The following SPIB variants were observed in gnomAD, a reference collection of about 807,000 sequenced individuals.
SPIB encodes Spi-B transcription factor.
In SPIB, 7 loss-of-function variants were observed where a neutral mutation model predicts 31.9. The observed-to-expected ratio is 0.22, with a 90% CI of 0.12 to 0.41. SPIB has a LOEUF of 0.41. SPIB is among the 10% of genes least tolerant of loss of function. The pLI, the probability that SPIB is intolerant of heterozygous loss-of-function variation, is 1.00. For synonymous variants in SPIB, 176 were observed against 158.9 expected, an observed-to-expected ratio of 1.11 and a Z score of -0.81; for missense variants, 327 against 360.2, an observed-to-expected ratio of 0.91 and a Z score of 0.75.
Position 50,420,400 on chromosome 19 carries a change from GT to G in SPIB, c.51+435del, listed in dbSNP as rs138447063. 3.7e-3 allele frequency among the ~76,000 whole-genome samples: 558 copies of G among 151,838 alleles called. 4 individuals are homozygous for G. Among genetic ancestry groups the G allele is most frequent in the African/African-American group, 0.013 (529 of 41,406 alleles). ...CCCTCCACATTCACACCCCAGCCAT[GT>G]TTTTTTTGTTTGTTTTTGTTTGTTT... On this transcript the variant is annotated intron_variant, in intron 2 of 5. Coordinates refer to ENST00000595883, the MANE Select transcript of SPIB (RefSeq NM_003121.5).
intron 2 of SPIB, 66 bp from the exon 3 acceptor site, chr19:50,422,400 AAGGGTCC>A (rs1229967251): frequency 2.1e-6 from 3 of 1,401,070 alleles, no homozygotes; most frequent in Non-Finnish European, 3.0e-6. Context: ...GAGTCTCCCC[AAGGGTCC>A]AGGGTGGGGG....
intron 5 of SPIB, among the ~76,000 whole-genome samples, 174 bp from the exon 6 acceptor site, chr19:50,427,864 C>CA (rs937007312): frequency 9.6e-6 from 1 of 104,308 alleles, no homozygotes; most frequent in African/African-American, 3.0e-5. Context: ...GCTTGCCCCC[C>CA]CCCCCCCCCG....
chr19:50,424,415 G>A (rs902334963), intron 5 of SPIB, among the ~76,000 whole-genome samples: 3 of 152,224 alleles, frequency 2.0e-5, no homozygotes, highest in Non-Finnish European at 2.9e-5. Flanking sequence ...GGGAGGCTGA[G>A]GCGGTCAGAT....
intron 2 of SPIB, among the ~76,000 whole-genome samples, chr19:50,420,311 C>T (rs888857029): frequency 2.0e-5 from 3 of 152,164 alleles, no homozygotes; most frequent in African/African-American, 7.2e-5. Flanking sequence ...CACCCTTGAA[C>T]CCACAATCCA....
chr19:50,428,115 T>G lies in SPIB; in HGVS notation c.568T>G (p.Trp190Gly). Residue 190 changes from tryptophan to glycine, a missense_variant, in exon 6 of 6, where the codon TGG becomes GGG. Physicochemically the swap from Trp to Gly is radical, Grantham distance 184. Around this residue, in one of 4 missense-constraint regions of SPIB, gnomAD observed 54 missense variants for 69.5 expected, o/e 0.78. Transcript: ENST00000595883. This position sits in a 1 kb window ranked among gnomAD's most constrained non-coding sequence, Gnocchi z 6.5. ...CGGGGACATGCGTGAGTGCGTGTGG[T>G]GGGTGGAGCCAGGCGCCGGCGTCTT... The part of the protein sequence containing the change: ...TRGDMRECVW[W>G]VEPGAGVFQF... The G allele has an allele frequency of 6.3e-7, 1 of 1,584,674 alleles. No individual in the cohort carries two copies. Among genetic ancestry groups the G allele is most frequent in the Non-Finnish European group, 8.6e-7 (1 of 1,165,020 alleles).
In SPIB at chr19:50,428,403, A is replaced by G. The variant is rs1008831432; in HGVS notation, c.*67A>G. ...CACGTCCCAGCCAGGATCCCCCTGG[A>G]AGAAAAAGGGCGTCCCCACACTCTA... On this transcript the variant is annotated 3_prime_UTR_variant, in exon 6 of 6. Coordinates refer to ENST00000595883, the MANE Select transcript of SPIB (RefSeq NM_003121.5). This position sits in a 1 kb window ranked among gnomAD's most constrained non-coding sequence, Gnocchi z 6.5. The G allele has an allele frequency of 1.5e-5, 22 of 1,453,472 alleles. No individual in the cohort carries two copies. The highest frequency in any genetic ancestry group is 1.8e-5 in the Non-Finnish European group (20 of 1,097,886). 90.0% of individuals were successfully genotyped at this position (1,453,472 alleles called of 1,614,324 possible).
intron 2 of SPIB, 91 bp from the exon 3 acceptor site, chr19:50,422,382 C>G: frequency 1.9e-6 from 2 of 1,055,844 alleles, no homozygotes; most frequent in South Asian, 2.8e-5. Context: ...TCTCCCATGT[C>G]TGTGTTGGAG....
chr19:50,419,087 T>G, intron 1 of SPIB, 102 bp downstream of exon 1: 57 of 1,378,084 alleles, frequency 4.1e-5, no homozygotes, highest in Non-Finnish European at 4.9e-5. Flanking sequence ...TCACGGCCGG[T>G]GGGTGGGAGT....
chr19:50,419,986 C>A lies in SPIB; in HGVS notation c.51+13C>A, dbSNP rs773679489. 2 of 1,466,906 alleles carry A rather than the reference C, an allele frequency of 1.4e-6. No individual in the cohort carries two copies. The highest frequency in any genetic ancestry group is 1.5e-5 in the South Asian group (1 of 68,498). The allele number at this position is 1,466,906 out of a possible 1,614,324, so 90.9% of individuals were successfully genotyped here. A position where few individuals can be genotyped will look rare whatever the true frequency, so the allele number is the denominator to read the frequency against. ...CTTCAGCTGTCTGGTGAGTTGGGGC[C>A]CCTGGGGGCCAGGGAGGGGTGGCCC... is the stretch of plus-strand genomic sequence containing the variant. On this transcript the variant is annotated intron_variant, in intron 2 of 5. Coordinates refer to ENST00000595883, the MANE Select transcript of SPIB (RefSeq NM_003121.5).
chr19:50,423,643 T>C lies in SPIB; in HGVS notation c.378T>C (p.Pro126=). 1 of 1,614,030 alleles carries C rather than the reference T, an allele frequency of 6.2e-7. No individual in the cohort carries two copies. The highest frequency in any genetic ancestry group is 8.5e-7 in the Non-Finnish European group (1 of 1,179,990). Residue 126 remains proline (P), a synonymous_variant, in exon 5 of 6, where the codon CCT becomes CCC. Coordinates refer to ENST00000595883, the MANE Select transcript of SPIB (RefSeq NM_003121.5). ...VPPAYAPYPS[P]VLSEEEDLPL... ...CGGCATATGCCCCGTACCCCAGCCC[T>C]GTGCTATCAGAGGAGGAAGACTTAC...
At chr19:50,425,038 G>A (rs1036860886) in intron 5 of SPIB, among the ~76,000 whole-genome samples, 1 of 151,680 alleles carries the variant, frequency 6.6e-6, no homozygotes, top group African/African-American at 2.4e-5. Context: ...ACAGAGTCTC[G>A]CTCTGTTACC....
rs1393096183 is a variant in SPIB, at chr19:50,423,070, C to G, written c.339+33C>G. 6.4e-6 allele frequency: 7 copies of G among 1,097,840 alleles called. 1 individual carries two copies. In the South Asian group the frequency reaches 9.7e-5, roughly 15 times the overall value. 68.0% of individuals were successfully genotyped at this position (1,097,840 alleles called of 1,614,324 possible). A position where few individuals can be genotyped will look rare whatever the true frequency, so the allele number is the denominator to read the frequency against. On this transcript the variant is annotated intron_variant, in intron 4 of 5. Coordinates refer to ENST00000595883, the MANE Select transcript of SPIB (RefSeq NM_003121.5). ...GTAAGGGGACAGTTAAAATCAAGCC[C>G]AAACCAGGTGTGGTGGTGCACGCCT...
intron 4 of SPIB, 91 bp downstream of exon 4, chr19:50,423,128 A>T: frequency 1.8e-6 from 1 of 562,444 alleles, no homozygotes; most frequent in Non-Finnish European, 3.0e-6. Flanking sequence ...CTGAGGTGGG[A>T]GGAGGATTGC....
Position 50,428,478 on chromosome 19 carries a change from C to A in SPIB, c.*142C>A. 1.0e-6 allele frequency: 1 copy of A among 978,938 alleles called. No homozygotes were observed. Among genetic ancestry groups the A allele is most frequent in the Non-Finnish European group, 1.5e-6 (1 of 688,148 alleles). 60.6% of individuals were successfully genotyped at this position (978,938 alleles called of 1,614,324 possible). On this transcript the variant is annotated 3_prime_UTR_variant, in exon 6 of 6. Transcript: ENST00000595883. The surrounding 1 kb of genome is among the most constrained non-coding windows in gnomAD (Gnocchi z 6.5). Reference sequence around the variant, plus strand: ...CCTTTTGGGGTAAGGGGAGTGCTGCCCTGCCATAATCCCCAAGCCCAGCCC... The same window carrying A: ...CCTTTTGGGGTAAGGGGAGTGCTGCACTGCCATAATCCCCAAGCCCAGCCC...
At position 50,428,018 on chromosome 19, in the gene SPIB, T is replaced by A. The variant is rs1297445509; in HGVS notation, c.491-20T>A. On this transcript the variant is annotated intron_variant, in intron 5 of 5. Coordinates refer to ENST00000595883, the MANE Select transcript of SPIB (RefSeq NM_003121.5). This position sits in a 1 kb window ranked among gnomAD's most constrained non-coding sequence, Gnocchi z 6.5. ...CCTTAGGGACCCCTCACCTAACGCG[T>A]GCCCCCGACCCCACCGCAGGGACTC... The A allele has an allele frequency of 6.1e-6, 9 of 1,482,714 alleles. No individual in the cohort carries two copies. The highest frequency in any genetic ancestry group is 7.2e-6 in the Non-Finnish European group (8 of 1,109,862). The allele number at this position is 1,482,714 out of a possible 1,614,324, so 91.8% of individuals were successfully genotyped here.
At chr19:50,426,726 C>A (rs1436210470) in intron 5 of SPIB, among the ~76,000 whole-genome samples, 1 of 152,040 alleles carries the variant, frequency 6.6e-6, no homozygotes, top group Non-Finnish European at 1.5e-5. Flanking sequence ...AACTCCTGAC[C>A]TCAAGTGATC....
Position 50,428,104 on chromosome 19 carries a change from A to G in SPIB, c.557A>G (p.Glu186Gly), listed in dbSNP as rs551310078. The G allele has an allele frequency of 5.7e-6, 9 of 1,583,664 alleles. No homozygotes were observed. Among genetic ancestry groups the G allele is most frequent in the Non-Finnish European group, 7.7e-6 (9 of 1,164,294 alleles). Residue 186 changes from glutamate (E) to glycine (G), a missense_variant, in exon 6 of 6, where the codon GAG becomes GGG. Physicochemically the swap from Glu to Gly is moderately conservative, Grantham distance 98. Around this residue, in one of 4 missense-constraint regions of SPIB, gnomAD observed 54 missense variants for 69.5 expected, o/e 0.78. Coordinates refer to ENST00000595883, the MANE Select transcript of SPIB (RefSeq NM_003121.5). This position sits in a 1 kb window ranked among gnomAD's most constrained non-coding sequence, Gnocchi z 6.5. ...CTACTGACGCGCGGGGACATGCGTG[A>G]GTGCGTGTGGTGGGTGGAGCCAGGC... is the stretch of plus-strand genomic sequence containing the variant. ...LGLLTRGDMR[E>G]CVWWVEPGAG...
At chr19:50,426,786 C>T (rs906183502) in intron 5 of SPIB, among the ~76,000 whole-genome samples, 7 of 151,974 alleles carry the variant, frequency 4.6e-5, no homozygotes, top group Non-Finnish European at 1.0e-4. Context: ...TGGCCCACCG[C>T]GCCCAGCCTC....
chr19:50,422,352 C>T (rs1568648165), intron 2 of SPIB, 121 bp from the exon 3 acceptor site: 1 of 729,478 alleles, frequency 1.4e-6, no homozygotes, highest in African/African-American at 1.8e-5. Context: ...TTGCTCTAAT[C>T]TCTCCAGCAT....
Sources: allele counts gnomAD v4.1 joint callset (sites outside exome capture counted in the v4.1 genomes callset), GRCh38; gene constraint gnomAD v4.1.1; regional missense constraint gnomAD v4.1.1; non-coding constraint Gnocchi (gnomAD v3.1); transcripts MANE v1.5; gene names NCBI Gene and HGNC (gene_info 2026-07-23, HGNC 2026-07-21).